Variants in PCGF3 observed in about 807,000 individuals in gnomAD.
PCGF3 encodes the protein polycomb group RING finger protein 3.
Under a neutral mutation model 33.1 loss-of-function variants are expected in PCGF3, and 7 were observed. The ratio of observed to expected loss-of-function variants is 0.21; its 90% CI spans 0.12 to 0.40. PCGF3 has a LOEUF of 0.40. Ranked by LOEUF, PCGF3 falls within the 10% of genes least tolerant of loss-of-function variation. PCGF3 has a pLI of 1.00. For synonymous variants in PCGF3, 153 were observed against 121.3 expected, an observed-to-expected ratio of 1.26 and a Z score of -1.72; for missense variants, 211 against 313.3, an observed-to-expected ratio of 0.67 and a Z score of 2.46.
intron 8 of PCGF3, 36 bp downstream of exon 8, chr4:744,724 T>G (rs6841958): frequency 1.6e-5 from 5 of 306,848 alleles, no homozygotes; most frequent in African/African-American, 1.1e-4. Flanking sequence ...AGTGTTAGTG[T>G]TCGCCGTGGA....
chr4:716,317 C>T (rs1742835375), intron 1 of PCGF3, among the ~76,000 whole-genome samples: 1 of 125,648 alleles, frequency 8.0e-6, no homozygotes, highest in Admixed American at 8.5e-5. Flanking sequence ...GTGCTGGGAC[C>T]CTGTGGACAC....
intron 1 of PCGF3, among the ~76,000 whole-genome samples, chr4:725,949 C>T (rs1195995211): frequency 6.6e-6 from 1 of 152,202 alleles, no homozygotes; most frequent in African/African-American, 2.4e-5. Context: ...GCCAGGCTCT[C>T]TGTGTCTCCG....
In PCGF3 at chr4:720,181, G is replaced by A. The variant is rs1053546062; in HGVS notation, c.-189-10449G>A. Among the ~76,000 whole-genome samples, 1 of 152,172 alleles carries A rather than the reference G, an allele frequency of 6.6e-6. No homozygotes were observed. The highest frequency in any genetic ancestry group is 1.5e-5 in the Non-Finnish European group (1 of 68,028). Reference sequence around the variant, plus strand: ...AGGACGCCGATGTGGCCCTGCTGCCGGAGTATGCCAAGCACGAGGGGCCAG... The same window carrying A: ...AGGACGCCGATGTGGCCCTGCTGCCAGAGTATGCCAAGCACGAGGGGCCAG... On this transcript the variant is annotated intron_variant, in intron 1 of 10. Coordinates refer to ENST00000362003, the Ensembl canonical transcript of PCGF3. This position sits in a 1 kb window ranked among gnomAD's most constrained non-coding sequence, Gnocchi z 5.6.
chr4:747,777 C>A (rs923412377), intron 8 of PCGF3, among the ~76,000 whole-genome samples: 3 of 152,186 alleles, frequency 2.0e-5, no homozygotes, highest in South Asian at 2.1e-4. Flanking sequence ...CCTGGGAGCA[C>A]CGAGGGAGGG....
intron 3 of PCGF3, among the ~76,000 whole-genome samples, chr4:732,870 G>A (rs1333417276): frequency 1.3e-5 from 2 of 152,256 alleles, no homozygotes; most frequent in African/African-American, 4.8e-5. Context: ...CTGCTCTCTT[G>A]CCTCAAGCAC....
At chr4:734,271 T>C in intron 4 of PCGF3, 1 of 1,469,106 alleles carries the variant, frequency 6.8e-7, no homozygotes, top group South Asian at 1.4e-5. Context: ...GCAGGTGCCA[T>C]CCATCAGGCT....
chr4:765,589 C>T (rs1745323301), intron 10 of PCGF3, among the ~76,000 whole-genome samples: 1 of 152,226 alleles, frequency 6.6e-6, no homozygotes. Flanking sequence ...CCATGAGTGC[C>T]ATGAGCAGAG....
At chr4:726,974 G>A (rs984538911) in intron 1 of PCGF3, among the ~76,000 whole-genome samples, 3 of 152,182 alleles carry the variant, frequency 2.0e-5, no homozygotes, top group African/African-American at 4.8e-5. Flanking sequence ...CAGACTTGCC[G>A]TTGTTCTGGA....
intron 8 of PCGF3, among the ~76,000 whole-genome samples, chr4:751,404 G>A (rs981215607): frequency 3.9e-5 from 6 of 151,960 alleles, no homozygotes; most frequent in South Asian, 4.2e-4. Context: ...TTTTGTGGCC[G>A]TTTCTGGTGT....
intron 9 of PCGF3, among the ~76,000 whole-genome samples, chr4:763,292 G>A (rs750653322): frequency 7.2e-5 from 11 of 152,170 alleles, no homozygotes; most frequent in Non-Finnish European, 1.3e-4. Flanking sequence ...GAGGTGTAGC[G>A]GGAAGCTGCC....
rs1296169055 is a variant in PCGF3, at chr4:758,530, G to T, written c.463-2749G>T. Among the ~76,000 whole-genome samples the T allele has an allele frequency of 8.0e-5, 10 of 125,218 alleles. 1 individual carries two copies. Among genetic ancestry groups the T allele is most frequent in the Non-Finnish European group, 1.5e-4 (9 of 60,354 alleles). The allele number at this position is 125,218 out of a possible 152,430, so 82.1% of individuals were successfully genotyped here. ...GGACTCTGGGTCTTTCTCCCCACGC[G>T]GCCCCTCTCCCGAGTTCTCCCTCCA... On this transcript the variant is annotated intron_variant, in intron 8 of 10. Coordinates refer to ENST00000362003, the Ensembl canonical transcript of PCGF3.
At chr4:761,741 G>A (rs559228519) in intron 9 of PCGF3, 322 of 985,438 alleles carry the variant, frequency 3.3e-4, no homozygotes, top group Non-Finnish European at 3.7e-4. Flanking sequence ...GGAGACATGG[G>A]CGGATGCAGA....
exon 11 of PCGF3, chr4:766,473 T>C (rs991578321): frequency 8.6e-5 from 14 of 162,322 alleles, no homozygotes; most frequent in Admixed American, 6.5e-4. Flanking sequence ...GCCTCAAGTG[T>C]AGTTGGACTT....
At chr4:733,628 A>G (rs1167799078) in intron 3 of PCGF3, 44 bp from the exon 4 acceptor site, 21 of 1,562,762 alleles carry the variant, frequency 1.3e-5, no homozygotes, top group Non-Finnish European at 1.7e-5. Context: ...GATGAAAGGC[A>G]TGGAAGAGTT....
chr4:712,601 C>T (rs142970000), intron 1 of PCGF3, among the ~76,000 whole-genome samples: 4,289 of 152,280 alleles, frequency 0.028, 117 homozygotes, highest in South Asian at 0.066. Flanking sequence ...CGCCTGCCAC[C>T]ATGCCCGGCT....
exon 11 of PCGF3, chr4:766,279 G>A: frequency 1.8e-6 from 1 of 561,480 alleles, no homozygotes. Flanking sequence ...ACACTTCACA[G>A]TCTCCCAGAG....
intron 8 of PCGF3, among the ~76,000 whole-genome samples, chr4:750,317 C>T (rs774904226): frequency 1.3e-5 from 2 of 152,184 alleles, no homozygotes; most frequent in African/African-American, 2.4e-5. Context: ...CCTTCCCGGG[C>T]GGTCAGGGAG....
At chr4:764,121 C>T (rs529904207) in intron 9 of PCGF3, among the ~76,000 whole-genome samples, 40 of 152,070 alleles carry the variant, frequency 2.6e-4, no homozygotes, top group Non-Finnish European at 4.9e-4. Flanking sequence ...GCCACCAGGG[C>T]GACCTGACAT....
Position 720,764 on chromosome 4 carries a change from G to T in PCGF3, c.-189-9866G>T, listed in dbSNP as rs1390274073. Among the ~76,000 whole-genome samples the T allele has an allele frequency of 6.6e-6, 1 of 152,116 alleles. No homozygotes were observed. Among genetic ancestry groups the T allele is most frequent in the Non-Finnish European group, 1.5e-5 (1 of 68,002 alleles). On this transcript the variant is annotated intron_variant, in intron 1 of 10. Transcript: ENST00000362003. This position sits in a 1 kb window ranked among gnomAD's most constrained non-coding sequence, Gnocchi z 5.6. ...CCCGGCGTGGACGCAGCCCCGACGT[G>T]AATGGATGTGGTTCCGACGTGACTG...
Sources: gnomAD v4.1 joint callset for allele counts (sites outside exome capture counted in the v4.1 genomes callset) on GRCh38, gnomAD v4.1.1 for gene constraint, Gnocchi (gnomAD v3.1) non-coding constraint, MANE v1.5 for transcripts, NCBI Gene and HGNC (gene_info 2026-07-23, HGNC 2026-07-21) for gene names.